TRABD2B: variants seen among roughly 807,000 people sequenced by gnomAD.
TRABD2B encodes the protein TraB domain containing 2B, also known as metalloprotease TIKI2.
TRABD2B carries 14 observed loss-of-function variants against 40.1 expected under a neutral mutation model. The observed-to-expected ratio is 0.35, with a 90% CI of 0.23 to 0.55. TRABD2B has a LOEUF of 0.55. TRABD2B is among the 20% of genes least tolerant of loss of function. The pLI, the probability that TRABD2B is intolerant of heterozygous loss-of-function variation, is 0.90. For synonymous variants in TRABD2B, 263 were observed against 277.0 expected, an observed-to-expected ratio of 0.95 and a Z score of 0.50; for missense variants, 541 against 648.6, an observed-to-expected ratio of 0.83 and a Z score of 1.80.
intron 2 of TRABD2B, among the ~76,000 whole-genome samples, chr1:47,974,666 G>A (rs781199188): frequency 9.9e-5 from 15 of 152,120 alleles, no homozygotes; most frequent in Admixed American, 5.9e-4. Context: ...CCTTCAAAAC[G>A]CACTTGTTAA....
chr1:47,942,002 A>T (rs1006762975), intron 2 of TRABD2B, among the ~76,000 whole-genome samples: 1 of 152,254 alleles, frequency 6.6e-6, no homozygotes, highest in African/African-American at 2.4e-5. Context: ...TTATTAACTT[A>T]GCTTTGCCTG....
At chr1:47,910,065 G>T (rs1410358005) in intron 2 of TRABD2B, among the ~76,000 whole-genome samples, 1 of 151,520 alleles carries the variant, frequency 6.6e-6, no homozygotes, top group African/African-American at 2.4e-5. Flanking sequence ...TCGCCAAGTT[G>T]CCCAGGCTGG....
At chr1:47,919,509 C>T in intron 2 of TRABD2B, among the ~76,000 whole-genome samples, 1 of 152,372 alleles carries the variant, frequency 6.6e-6, no homozygotes, top group Non-Finnish European at 1.5e-5. Flanking sequence ...CTGGAAAAAG[C>T]AGCTCCGCTG....
At chr1:47,801,843 A>G (rs1202407021) in intron 2 of TRABD2B, among the ~76,000 whole-genome samples, 2 of 152,212 alleles carry the variant, frequency 1.3e-5, no homozygotes, top group East Asian at 1.9e-4. Flanking sequence ...TTGCCCACAC[A>G]GGTCCCCATT....
intron 4 of TRABD2B, among the ~76,000 whole-genome samples, chr1:47,783,687 T>C (rs146621128): frequency 8.7e-4 from 132 of 152,266 alleles, no homozygotes; most frequent in Middle Eastern, 3.4e-3. Flanking sequence ...GATGTTTTAG[T>C]GCAAAGAAAA....
In TRABD2B at chr1:47,954,969, C is replaced by T. The variant is rs528535064; in HGVS notation, c.666+39065G>A. On this transcript the variant is annotated intron_variant, in intron 2 of 6. Transcript: ENST00000606738. ...CCACATCTTCATCTCCAGCCCAGACCCTACTCCCTAGGGCCCAACTGCCTG... is the reference window on the plus strand; with the variant it reads ...CCACATCTTCATCTCCAGCCCAGACTCTACTCCCTAGGGCCCAACTGCCTG... Among the ~76,000 whole-genome samples, 105 of 152,256 alleles carry T rather than the reference C, an allele frequency of 6.9e-4. 1 individual carries two copies. The highest frequency in any genetic ancestry group is 2.5e-3 in the African/African-American group (103 of 41,530).
intron 2 of TRABD2B, among the ~76,000 whole-genome samples, chr1:47,857,617 C>A (rs1159280261): frequency 6.6e-6 from 1 of 152,148 alleles, no homozygotes; most frequent in Non-Finnish European, 1.5e-5. Flanking sequence ...CCTCCTAGGG[C>A]AGCATTCTGA....
At chr1:47,964,520 T>G (rs547726206) in intron 2 of TRABD2B, among the ~76,000 whole-genome samples, 1 of 152,230 alleles carries the variant, frequency 6.6e-6, no homozygotes, top group African/African-American at 2.4e-5. Flanking sequence ...CCAAACCACA[T>G]CCCTGTCCCA....
intron 2 of TRABD2B, among the ~76,000 whole-genome samples, chr1:47,802,838 T>C (rs950587137): frequency 6.6e-6 from 1 of 152,100 alleles, no homozygotes; most frequent in South Asian, 2.1e-4. Context: ...AATCTGATGA[T>C]TTCTCTCTCT....
chr1:47,768,434 C>T (rs1644334906), intron 6 of TRABD2B, among the ~76,000 whole-genome samples: 1 of 152,152 alleles, frequency 6.6e-6, no homozygotes, highest in African/African-American at 2.4e-5. Flanking sequence ...TGACTGCCCT[C>T]CCCTTTCATG....
chr1:47,801,593 C>G lies in TRABD2B; in HGVS notation c.693G>C (p.Leu231=). ...CGGCCCGCACACTCTCCTGCTGCAG[C>G]AGGGTTTGGTTCAGGGCAAACAGCA... is the stretch of plus-strand genomic sequence containing the variant. The part of the protein sequence containing the change: ...SQVLFALNQT[L]LQQESVRAGS... Residue 231 remains leucine (L), a synonymous_variant, in exon 3 of 7, where the codon CTG becomes CTC. Coordinates refer to ENST00000606738, the MANE Select transcript of TRABD2B (RefSeq NM_001194986.2). The G allele has an allele frequency of 3.9e-6, 6 of 1,535,908 alleles. No individual in the cohort carries two copies. Among genetic ancestry groups the G allele is most frequent in the Non-Finnish European group, 5.2e-6 (6 of 1,146,790 alleles).
intron 2 of TRABD2B, among the ~76,000 whole-genome samples, chr1:47,895,257 C>T (rs1196099142): frequency 6.6e-6 from 1 of 152,096 alleles, no homozygotes; most frequent in African/African-American, 2.4e-5. Flanking sequence ...CTCGCCCCAC[C>T]CCCCAGCCAG....
chr1:47,856,676 C>T (rs1307825737), intron 2 of TRABD2B, among the ~76,000 whole-genome samples: 3 of 152,220 alleles, frequency 2.0e-5, no homozygotes, highest in Non-Finnish European at 2.9e-5. Context: ...TCTGGTTACA[C>T]ACTGTCCACA....
At chr1:47,968,894 TC>T (rs1240844027) in intron 2 of TRABD2B, among the ~76,000 whole-genome samples, 37 of 152,342 alleles carry the variant, frequency 2.4e-4, no homozygotes, top group South Asian at 1.2e-3. Flanking sequence ...CCCAGGCCAC[TC>T]CCTGACAGTA....
intron 2 of TRABD2B, among the ~76,000 whole-genome samples, chr1:47,908,565 C>T (rs1348782260): frequency 6.6e-6 from 1 of 152,212 alleles, no homozygotes; most frequent in Admixed American, 6.5e-5. Flanking sequence ...CTCCTATTCT[C>T]TCCCTCCTGT....
At chr1:47,977,708 A>C (rs531910493) in intron 2 of TRABD2B, among the ~76,000 whole-genome samples, 6 of 151,850 alleles carry the variant, frequency 4.0e-5, no homozygotes, top group Admixed American at 1.3e-4. Context: ...CACAGGAATA[A>C]GGAACCAAGA....
At chr1:47,898,245 T>C (rs1644551866) in intron 2 of TRABD2B, among the ~76,000 whole-genome samples, 1 of 152,096 alleles carries the variant, frequency 6.6e-6, no homozygotes, top group African/African-American at 2.4e-5. Flanking sequence ...AGAAAAACAG[T>C]CACAACCTCC....
At chr1:47,808,292 G>A (rs1180062512) in intron 2 of TRABD2B, among the ~76,000 whole-genome samples, 2 of 134,568 alleles carry the variant, frequency 1.5e-5, no homozygotes, top group East Asian at 2.0e-4. Flanking sequence ...CCAACACTAC[G>A]TGTGTGTGTG....
intron 2 of TRABD2B, among the ~76,000 whole-genome samples, chr1:47,802,658 T>C (rs1357821615): frequency 6.6e-6 from 1 of 152,224 alleles, no homozygotes; most frequent in East Asian, 1.9e-4. Context: ...CTGCTCATTC[T>C]GTCTGCACAA....
Sources: allele counts gnomAD v4.1 joint callset (sites outside exome capture counted in the v4.1 genomes callset), GRCh38; gene constraint gnomAD v4.1.1; transcripts MANE v1.5; gene names NCBI Gene and HGNC (gene_info 2026-07-23, HGNC 2026-07-21).